The following TMTC1 variants were observed in gnomAD, a reference collection of about 807,000 sequenced individuals.
TMTC1 encodes transmembrane O-mannosyltransferase targeting cadherins 1, also known as protein O-mannosyl-transferase TMTC1.
TMTC1 carries 73 observed loss-of-function variants against 104.8 expected under a neutral mutation model. The ratio of observed to expected loss-of-function variants is 0.70; its 90% CI spans 0.58 to 0.85. TMTC1 has a LOEUF of 0.85. TMTC1 is among the 40% of genes least tolerant of loss of function. TMTC1 has a pLI of 0.00. For synonymous variants in TMTC1, 434 were observed against 428.7 expected (o/e 1.01, Z -0.15); for missense variants, 1,035 against 1,096.1 (o/e 0.94, Z 0.79).
rs192628122 is a variant in TMTC1 at position 29,567,825 on chromosome 12, T to G, written c.1532+4280A>C. 3.2e-4 allele frequency among the ~76,000 whole-genome samples: 48 copies of G among 152,296 alleles called. 1 individual carries two copies. Among genetic ancestry groups the G allele is most frequent in the Admixed American group, 1.8e-3 (27 of 15,304 alleles). ...GCCTTAGGGTCTGCCTTATTTCTTC[T>G]GTTTGAACGTGACAGAAAATGGTTT... On this transcript the variant is annotated intron_variant, in intron 9 of 17. Coordinates refer to ENST00000539277, the MANE Select transcript of TMTC1 (RefSeq NM_001193451.2).
intron 11 of TMTC1, among the ~76,000 whole-genome samples, chr12:29,530,188 G>C (rs1944462768): frequency 6.6e-6 from 1 of 152,090 alleles, no homozygotes; most frequent in Admixed American, 6.5e-5. Flanking sequence ...TCCTGGCCAA[G>C]GAGACCCCAG....
chr12:29,775,793 C>T (rs1474123276), intron 1 of TMTC1, among the ~76,000 whole-genome samples: 5 of 152,058 alleles, frequency 3.3e-5, no homozygotes, highest in Admixed American at 6.6e-5. Context: ...GCCTCACAGC[C>T]CCAACCCTCT....
chr12:29,772,482 G>C (rs1943616392), intron 1 of TMTC1, among the ~76,000 whole-genome samples: 1 of 152,092 alleles, frequency 6.6e-6, no homozygotes, highest in Non-Finnish European at 1.5e-5. Flanking sequence ...GCATATTTCT[G>C]GAAGAGGAGA....
intron 1 of TMTC1, among the ~76,000 whole-genome samples, chr12:29,770,328 T>C (rs571660865): frequency 5.6e-4 from 86 of 152,316 alleles, no homozygotes; most frequent in South Asian, 2.9e-3. Flanking sequence ...TTGTGGTTCA[T>C]ATGTGTCATA....
intron 5 of TMTC1, among the ~76,000 whole-genome samples, chr12:29,718,714 A>T (rs745867370): frequency 2.6e-5 from 4 of 152,008 alleles, no homozygotes; most frequent in Non-Finnish European, 5.9e-5. Context: ...TGGGTGGATC[A>T]TGAGGTGAGG....
intron 16 of TMTC1, among the ~76,000 whole-genome samples, chr12:29,513,168 G>C (rs1565635101): frequency 6.6e-6 from 1 of 152,160 alleles, no homozygotes; most frequent in Non-Finnish European, 1.5e-5. Flanking sequence ...CTTTGAGCAA[G>C]ATATGACCTT....
At chr12:29,664,183 T>A (rs1940177444) in intron 5 of TMTC1, among the ~76,000 whole-genome samples, 2 of 143,056 alleles carry the variant, frequency 1.4e-5, no homozygotes, top group African/African-American at 5.2e-5. Context: ...CGAGACTCCG[T>A]CTCAAAAAAA....
intron 5 of TMTC1, among the ~76,000 whole-genome samples, chr12:29,683,756 TCTC>T (rs1400588489): frequency 6.6e-6 from 1 of 151,984 alleles, no homozygotes; most frequent in Non-Finnish European, 1.5e-5. Flanking sequence ...GCAAATAGAC[TCTC>T]CTAATTATTC....
At chr12:29,736,044 C>T (rs183008879) in intron 5 of TMTC1, among the ~76,000 whole-genome samples, 10 of 152,188 alleles carry the variant, frequency 6.6e-5, no homozygotes, top group African/African-American at 2.4e-4. Context: ...CCACATAGAT[C>T]GTCCAGTCCA....
At chr12:29,660,439 T>G (rs1939964057) in intron 5 of TMTC1, among the ~76,000 whole-genome samples, 1 of 152,156 alleles carries the variant, frequency 6.6e-6, no homozygotes, top group Non-Finnish European at 1.5e-5. Context: ...AATACAGGGT[T>G]GTTATATTTA....
chr12:29,779,956 G>A (rs1157864351), intron 1 of TMTC1, among the ~76,000 whole-genome samples: 1 of 152,080 alleles, frequency 6.6e-6, no homozygotes, highest in African/African-American at 2.4e-5. Context: ...TACATATATA[G>A]GTGTGATATC....
chr12:29,581,428 C>A (rs143152507), intron 8 of TMTC1, among the ~76,000 whole-genome samples: 1 of 152,268 alleles, frequency 6.6e-6, no homozygotes, highest in African/African-American at 2.4e-5. Context: ...CCAAAGGCCT[C>A]TTTAGTTGCA....
chr12:29,570,048 G>A (rs962616418), intron 9 of TMTC1, among the ~76,000 whole-genome samples: 2 of 152,096 alleles, frequency 1.3e-5, no homozygotes, highest in Admixed American at 1.3e-4. Flanking sequence ...TTTTGAACTT[G>A]ACAGAAAATA....
At chr12:29,600,130 A>C (rs2136387886) in intron 7 of TMTC1, among the ~76,000 whole-genome samples, 1 of 151,346 alleles carries the variant, frequency 6.6e-6, no homozygotes, top group South Asian at 2.1e-4. Context: ...AAAAAAAAAA[A>C]ACATTTTGAA....
At chr12:29,511,322 C>T (rs941618286) in intron 17 of TMTC1, among the ~76,000 whole-genome samples, 5 of 152,104 alleles carry the variant, frequency 3.3e-5, no homozygotes, top group Non-Finnish European at 7.3e-5. Context: ...TCTCCTCCTA[C>T]TAGCACCATA....
At chr12:29,561,929 C>A (rs1945388457) in intron 9 of TMTC1, among the ~76,000 whole-genome samples, 2 of 151,974 alleles carry the variant, frequency 1.3e-5, no homozygotes, top group African/African-American at 4.8e-5. Context: ...AAATAAGAGT[C>A]CAAAAGAAAA....
chr12:29,769,996 T>G (rs540511029), intron 1 of TMTC1, among the ~76,000 whole-genome samples: 1 of 152,092 alleles, frequency 6.6e-6, no homozygotes, highest in Non-Finnish European at 1.5e-5. Flanking sequence ...TGTACAAGAA[T>G]GCATCTCACA....
chr12:29,530,789 T>C (rs1592182113), intron 11 of TMTC1, among the ~76,000 whole-genome samples: 1 of 152,116 alleles, frequency 6.6e-6, no homozygotes, highest in East Asian at 1.9e-4. Context: ...GATCTCATGA[T>C]TTTAAGTTGA....
intron 7 of TMTC1, among the ~76,000 whole-genome samples, chr12:29,591,740 C>A (rs1439369108): frequency 6.6e-6 from 1 of 152,286 alleles, no homozygotes; most frequent in African/African-American, 2.4e-5. Flanking sequence ...TTTTATGATG[C>A]ACATTCGAAG....
Sources: allele counts gnomAD v4.1 joint callset (sites outside exome capture counted in the v4.1 genomes callset), GRCh38; gene constraint gnomAD v4.1.1; transcripts MANE v1.5; gene names NCBI Gene and HGNC (gene_info 2026-07-23, HGNC 2026-07-21).